SOWAHD: variants seen among roughly 807,000 people sequenced by gnomAD.
SOWAHD encodes the protein sosondowah ankyrin repeat domain family member D.
For missense variants in SOWAHD, 295 were observed against 297.7 expected (o/e 0.99, Z 0.07); for synonymous variants, 142 against 147.2 (o/e 0.96, Z 0.26).
rs767705454 is a variant in SOWAHD, at chrX:119,759,079, G to C, written c.412G>C (p.Glu138Gln). 1 of 1,184,898 alleles carries C rather than the reference G, an allele frequency of 8.4e-7. No individual in the cohort carries two copies. The highest frequency in any genetic ancestry group is 1.7e-5 in the African/African-American group (1 of 57,273). ...GCGGGAGCTGCTGGAGGCTGAGCCG[G>C]AGCTGCTGCTGCGGGGCGACCCGAT... Reference protein sequence around the residue: ...VLRELLEAEPELLLRGDPITG... With the variant: ...VLRELLEAEPQLLLRGDPITG... The change falls in exon 1 of 1, where the codon GAG (glutamate) becomes CAG (glutamine). Residue 138 changes from glutamate (E) to glutamine (Q), a missense_variant. Transcript: ENST00000343905.
chrX:119,759,197 G>C lies in SOWAHD; in HGVS notation c.530G>C (p.Arg177Thr), dbSNP rs1427932965. Residue 177 changes from arginine to threonine, a missense_variant, in exon 1 of 1, where the codon AGG (arginine) becomes ACG (threonine). By Grantham distance (71) the Arg-to-Thr change is moderately conservative. Coordinates refer to ENST00000343905, the MANE Select transcript of SOWAHD (RefSeq NM_001105576.3). ...GATTTCGCCCTACGCCGGGGGCTGA[G>C]GCTCGACGTGAGCGCCCCAGGCAGC... ...VHDFALRRGL[R>T]LDVSAPGSGG... 1 of 1,186,384 alleles carries C rather than the reference G, an allele frequency of 8.4e-7. No individual in the cohort carries two copies. Among genetic ancestry groups the C allele is most frequent in the African/African-American group, 1.8e-5 (1 of 57,099 alleles).
At position 119,758,702 on chromosome X, in the gene SOWAHD, C is replaced by A; in HGVS notation, c.35C>A (p.Pro12His). 1 of 1,148,149 alleles carries A rather than the reference C, an allele frequency of 8.7e-7. No individual in the cohort carries two copies. The highest frequency in any genetic ancestry group is 1.1e-6 in the Non-Finnish European group (1 of 871,226). 94.6% of individuals were successfully genotyped at this position (1,148,149 alleles called of 1,213,427 possible). A position where few individuals can be genotyped will look rare whatever the true frequency, so the allele number is the denominator to read the frequency against. Reference protein sequence around the residue: ...AQLGGAANRAPTASLAPTSQS... With the variant: ...AQLGGAANRAHTASLAPTSQS... ...CTCGGAGGGGCCGCGAACCGGGCAC[C>A]CACGGCCTCTCTCGCGCCGACCTCG... The change falls in exon 1 of 1, where the codon CCC becomes CAC. Residue 12 changes from proline (P) to histidine (H), a missense_variant. Pro to His is a moderately conservative substitution (Grantham distance 77). Coordinates refer to ENST00000343905, the MANE Select transcript of SOWAHD (RefSeq NM_001105576.3).
rs2055529153 is a variant in SOWAHD, at chrX:119,758,743, G to A, written c.76G>A (p.Ala26Thr). The A allele has an allele frequency of 8.6e-7, 1 of 1,165,468 alleles. No individual in the cohort carries two copies. The change falls in exon 1 of 1, where the codon GCC becomes ACC. Residue 26 changes from alanine (A) to threonine (T), a missense_variant. Coordinates refer to ENST00000343905, the MANE Select transcript of SOWAHD (RefSeq NM_001105576.3). ...GCCGACCTCGCAGAGCCTGCGGTGC[G>A]CCCCGCAGCCCCGCCCCTCGAGAGC... Reference protein sequence around the residue: ...LAPTSQSLRCAPQPRPSRADT... With the variant: ...LAPTSQSLRCTPQPRPSRADT...
rs764690174 is a variant in SOWAHD, at chrX:119,759,563, C to T, written c.896C>T (p.Ala299Val). The change falls in exon 1 of 1, where the codon GCG (alanine) becomes GTG (valine). Residue 299 changes from alanine (A) to valine (V), a missense_variant. Physicochemically the swap from Ala to Val is moderately conservative, Grantham distance 64 (BLOSUM62 0). Coordinates refer to ENST00000343905, the MANE Select transcript of SOWAHD (RefSeq NM_001105576.3). ...KAKDTAGSRV[A>V]QMHSLFRHLF... The stretch of plus-strand genomic sequence containing the variant: ...AAGGACACCGCGGGCAGCCGGGTGG[C>T]GCAAATGCATAGCCTTTTCCGCCAT... The T allele has an allele frequency of 1.8e-5, 21 of 1,179,251 alleles. No homozygotes were observed. Among genetic ancestry groups the T allele is most frequent in the African/African-American group, 1.1e-4 (6 of 56,353 alleles).
Position 119,759,744 on chromosome X carries a change from G to C in SOWAHD, c.*129G>C. ...CTTGGGCCTGCAAGGAACAGAACACGTCGGGGTCCGACTCAGGTACTTGTC... is the reference window on the plus strand; with the variant it reads ...CTTGGGCCTGCAAGGAACAGAACACCTCGGGGTCCGACTCAGGTACTTGTC... On this transcript the variant is annotated 3_prime_UTR_variant, in exon 1 of 1. Coordinates refer to ENST00000343905, the MANE Select transcript of SOWAHD (RefSeq NM_001105576.3). The C allele has an allele frequency of 1.5e-6, 1 of 682,721 alleles. No individual in the cohort carries two copies. The allele number at this position is 682,721 out of a possible 1,213,427, so 56.3% of individuals were successfully genotyped here. A position where few individuals can be genotyped will look rare whatever the true frequency, so the allele number is the denominator to read the frequency against.
Position 119,759,765 on chromosome X carries a change from T to C in SOWAHD, c.*150T>C, listed in dbSNP as rs1206707379. ...ACACGTCGGGGTCCGACTCAGGTAC[T>C]TGTCTCAGGTCTCCTGTAACCACCG... On this transcript the variant is annotated 3_prime_UTR_variant, in exon 1 of 1. Coordinates refer to ENST00000343905, the MANE Select transcript of SOWAHD (RefSeq NM_001105576.3). 1 of 538,543 alleles carries C rather than the reference T, an allele frequency of 1.9e-6. No homozygotes were observed. The highest frequency in any genetic ancestry group is 4.3e-5 in the East Asian group (1 of 23,062). The allele number at this position is 538,543 out of a possible 1,213,427, so 44.4% of individuals were successfully genotyped here.
Position 119,759,713 on chromosome X carries a change from A to G in SOWAHD, c.*98A>G. The G allele has an allele frequency of 3.4e-6, 3 of 893,332 alleles. No homozygotes were observed. The highest frequency in any genetic ancestry group is 3.0e-6 in the Non-Finnish European group (2 of 666,733). 73.6% of individuals were successfully genotyped at this position (893,332 alleles called of 1,213,427 possible). A position where few individuals can be genotyped will look rare whatever the true frequency, so the allele number is the denominator to read the frequency against. ...TTCCACCGAAGGAGAGGCGCCTTGG[A>G]CGCTGCTTGGGCCTGCAAGGAACAG... is the stretch of plus-strand genomic sequence containing the variant. On this transcript the variant is annotated 3_prime_UTR_variant, in exon 1 of 1. Coordinates refer to ENST00000343905, the MANE Select transcript of SOWAHD (RefSeq NM_001105576.3).
chrX:119,758,661 C>T lies in SOWAHD; in HGVS notation c.-7C>T, dbSNP rs1225998214. 1 of 1,097,158 alleles carries T rather than the reference C, an allele frequency of 9.1e-7. No individual in the cohort carries two copies. Among genetic ancestry groups the T allele is most frequent in the Admixed American group, 3.1e-5 (1 of 32,399 alleles). The allele number at this position is 1,097,158 out of a possible 1,213,427, so 90.4% of individuals were successfully genotyped here. On this transcript the variant is annotated 5_prime_UTR_variant, in exon 1 of 1. Transcript: ENST00000343905. ...ACTGGGACGGCCGCGGCGGCAGCTT[C>T]AAGACCATGGCCCAGCTCGGAGGGG...
rs779813180 is a variant in SOWAHD at position 119,759,302 on chromosome X, C to T, written c.635C>T (p.Ala212Val). Reference protein sequence around the residue: ...VIKVLVGALGADATRRDHSGH... With the variant: ...VIKVLVGALGVDATRRDHSGH... ...AAGGTGCTGGTGGGCGCCCTGGGTG[C>T]TGACGCTACGCGCCGCGACCACAGC... The change falls in exon 1 of 1, where the codon GCT becomes GTT. Residue 212 changes from alanine to valine, a missense_variant. Coordinates refer to ENST00000343905, the MANE Select transcript of SOWAHD (RefSeq NM_001105576.3). 1.5e-5 allele frequency: 18 copies of T among 1,189,655 alleles called. No homozygotes were observed. In the South Asian group the frequency reaches 3.3e-4, roughly 22 times the overall value.
chrX:119,759,117 G>C lies in SOWAHD; in HGVS notation c.450G>C (p.Ser150=), dbSNP rs777661232. Reference sequence around the variant, plus strand: ...GGGGCGACCCGATCACCGGCTACTCGGTTCTGCACTGGCTGGCCAAGCACG... The same window carrying C: ...GGGGCGACCCGATCACCGGCTACTCCGTTCTGCACTGGCTGGCCAAGCACG... The part of the protein sequence containing the change: ...LLRGDPITGY[S]VLHWLAKHGR... The change falls in exon 1 of 1, where the codon TCG becomes TCC. Residue 150 remains serine (S), a synonymous_variant. Coordinates refer to ENST00000343905, the MANE Select transcript of SOWAHD (RefSeq NM_001105576.3). The C allele has an allele frequency of 1.1e-5, 13 of 1,188,609 alleles. No individual in the cohort carries two copies. In the South Asian group the frequency reaches 1.6e-4, roughly 15 times the overall value.
At position 119,759,694 on chromosome X, in the gene SOWAHD, C is replaced by T; in HGVS notation, c.*79C>T. ...GGTCCTGGGTTGTCCCGGGTTCCAC[C>T]GAAGGAGAGGCGCCTTGGACGCTGC... On this transcript the variant is annotated 3_prime_UTR_variant, in exon 1 of 1. Transcript: ENST00000343905. 3.0e-6 allele frequency: 3 copies of T among 986,888 alleles called. No individual in the cohort carries two copies. The African/African-American group carries it at 5.9e-5, about 19-fold the overall frequency. 81.3% of individuals were successfully genotyped at this position (986,888 alleles called of 1,213,427 possible).
chrX:119,759,282 G>A lies in SOWAHD; in HGVS notation c.615G>A (p.Val205=). Reference sequence around the variant, plus strand: ...AGGGCCACGACATGGTCATCAAGGTGCTGGTGGGCGCCCTGGGTGCTGACG... The same window carrying A: ...AGGGCCACGACATGGTCATCAAGGTACTGGTGGGCGCCCTGGGTGCTGACG... ...ALQGHDMVIK[V]LVGALGADAT... is the part of the protein sequence containing the mutation. Residue 205 remains valine (V), a synonymous_variant, in exon 1 of 1, where the codon GTG becomes GTA. Transcript: ENST00000343905. 4.2e-6 allele frequency: 5 copies of A among 1,193,556 alleles called. No homozygotes were observed. Among genetic ancestry groups the A allele is most frequent in the Non-Finnish European group, 5.6e-6 (5 of 887,696 alleles).
In SOWAHD at chrX:119,759,564, G is replaced by A. The variant is rs752226368; in HGVS notation, c.897G>A (p.Ala299=). Residue 299 remains alanine, a synonymous_variant, in exon 1 of 1, where the codon GCG becomes GCA. Transcript: ENST00000343905. ...AGGACACCGCGGGCAGCCGGGTGGC[G>A]CAAATGCATAGCCTTTTCCGCCATC... is the stretch of plus-strand genomic sequence containing the variant. ...KAKDTAGSRV[A]QMHSLFRHLF... 10 of 1,180,525 alleles carry A rather than the reference G, an allele frequency of 8.5e-6. No individual in the cohort carries two copies. In the South Asian group the frequency reaches 1.3e-4, roughly 16 times the overall value.
At position 119,758,712 on chromosome X, in the gene SOWAHD, T is replaced by C. The variant is rs753040391; in HGVS notation, c.45T>C (p.Ser15=). The change falls in exon 1 of 1, where the codon TCT becomes TCC. Residue 15 remains serine (S), a synonymous_variant. Transcript: ENST00000343905. ...CCGCGAACCGGGCACCCACGGCCTC[T>C]CTCGCGCCGACCTCGCAGAGCCTGC... ...GGAANRAPTA[S]LAPTSQSLRC... is the part of the protein sequence containing the mutation. The C allele has an allele frequency of 8.6e-7, 1 of 1,158,596 alleles. No homozygotes were observed. Among genetic ancestry groups the C allele is most frequent in the Non-Finnish European group, 1.1e-6 (1 of 876,193 alleles).
chrX:119,759,626 G>A lies in SOWAHD; in HGVS notation c.*11G>A, dbSNP rs780056968. ...TTCCAGGACCGTTGACAGGGACAGAGACTGGAGAGCTAGGAGGGGCTGTGA... is the reference window on the plus strand; with the variant it reads ...TTCCAGGACCGTTGACAGGGACAGAAACTGGAGAGCTAGGAGGGGCTGTGA... On this transcript the variant is annotated 3_prime_UTR_variant, in exon 1 of 1. Transcript: ENST00000343905. 1.1e-5 allele frequency: 12 copies of A among 1,140,193 alleles called. No individual in the cohort carries two copies. Among genetic ancestry groups the A allele is most frequent in the Admixed American group, 8.3e-5 (3 of 36,328 alleles). The allele number at this position is 1,140,193 out of a possible 1,213,427, so 94.0% of individuals were successfully genotyped here.
Position 119,758,695 on chromosome X carries a change from C to A in SOWAHD, c.28C>A (p.Arg10=), listed in dbSNP as rs776356762. ...GGCCCAGCTCGGAGGGGCCGCGAAC[C>A]GGGCACCCACGGCCTCTCTCGCGCC... MAQLGGAAN[R]APTASLAPTS... is the part of the protein sequence containing the mutation. Residue 10 remains arginine (R), a synonymous_variant, in exon 1 of 1, where the codon CGG becomes AGG. Coordinates refer to ENST00000343905, the MANE Select transcript of SOWAHD (RefSeq NM_001105576.3). 1.8e-6 allele frequency: 2 copies of A among 1,137,460 alleles called. No individual in the cohort carries two copies. The highest frequency in any genetic ancestry group is 2.3e-6 in the Non-Finnish European group (2 of 865,808). 93.7% of individuals were successfully genotyped at this position (1,137,460 alleles called of 1,213,427 possible). A position where few individuals can be genotyped will look rare whatever the true frequency, so the allele number is the denominator to read the frequency against.
rs772202702 is a variant in SOWAHD, at chrX:119,758,803, G to A, written c.136G>A (p.Ala46Thr). ...TGSLGRYWGK[A>T]AAAASREHPF... is the part of the protein sequence containing the mutation. ...TAGCCTGGGCAGGTACTGGGGCAAA[G>A]CCGCAGCCGCCGCCTCCCGGGAGCA... is the stretch of plus-strand genomic sequence containing the variant. Residue 46 changes from alanine (A) to threonine (T), a missense_variant, in exon 1 of 1, where the codon GCC becomes ACC. By Grantham distance (58) the Ala-to-Thr change is moderately conservative (BLOSUM62 0). Coordinates refer to ENST00000343905, the MANE Select transcript of SOWAHD (RefSeq NM_001105576.3). 2.6e-6 allele frequency: 3 copies of A among 1,154,676 alleles called. No homozygotes were observed. Among genetic ancestry groups the A allele is most frequent in the Admixed American group, 2.5e-5 (1 of 40,700 alleles).
rs902006965 is a variant in SOWAHD, at chrX:119,760,056, C to G, written c.*441C>G. On this transcript the variant is annotated 3_prime_UTR_variant, in exon 1 of 1. Transcript: ENST00000343905. ...AACGCCTAACTCTGCCGGCCTCGCTCGGCCATTAATGGGTCTTGGGGTGCG... is the reference window on the plus strand; with the variant it reads ...AACGCCTAACTCTGCCGGCCTCGCTGGGCCATTAATGGGTCTTGGGGTGCG... 2 of 133,780 alleles carry G rather than the reference C, an allele frequency of 1.5e-5. No individual in the cohort carries two copies. Among genetic ancestry groups the G allele is most frequent in the Admixed American group, 1.9e-4 (2 of 10,776 alleles). 11.0% of individuals were successfully genotyped at this position (133,780 alleles called of 1,213,427 possible).
At position 119,759,053 on chromosome X, in the gene SOWAHD, T is replaced by C; in HGVS notation, c.386T>C (p.Leu129Pro). Residue 129 changes from leucine to proline, a missense_variant, in exon 1 of 1, where the codon CTG (leucine) becomes CCG (proline). Physicochemically the swap from Leu to Pro is moderately conservative, Grantham distance 98. Transcript: ENST00000343905. ...GCCGCCGAGGGCCGCTATGAGGTGC[T>C]GCGGGAGCTGCTGGAGGCTGAGCCG... ...LAAAEGRYEVLRELLEAEPEL... is the reference protein window; with the variant it reads ...LAAAEGRYEVPRELLEAEPEL... 8.5e-7 allele frequency: 1 copy of C among 1,178,285 alleles called. No individual in the cohort carries two copies. Among genetic ancestry groups the C allele is most frequent in the Non-Finnish European group, 1.1e-6 (1 of 884,283 alleles).
Sources: gnomAD v4.1 joint callset for allele counts on GRCh38, gnomAD v4.1.1 for gene constraint, MANE v1.5 for transcripts, NCBI Gene and HGNC (gene_info 2026-07-23, HGNC 2026-07-21) for gene names.